Variants in CDH9 observed in about 807,000 individuals in gnomAD.
CDH9 encodes cadherin-9.
CDH9 carries 28 observed loss-of-function variants against 70.9 expected under a neutral mutation model. That is an observed-to-expected ratio of 0.40 (90% CI 0.29 to 0.54). The LOEUF (loss-of-function observed/expected upper bound fraction) is 0.54, where lower values mean the gene tolerates loss of function less well. Ranked by LOEUF, CDH9 falls within the 20% of genes least tolerant of loss-of-function variation. The probability of loss-of-function intolerance (pLI) is 0.59; values close to 1 mark genes in which losing one functional copy is unlikely to be tolerated. For missense variants in CDH9, 874 were observed against 984.4 expected (o/e 0.89, Z 1.50); for synonymous variants, 409 against 343.1 (o/e 1.19, Z -2.12).
chr5:26,949,863 G>A (rs1741815003), intron 2 of CDH9, among the ~76,000 whole-genome samples: 1 of 152,272 alleles, frequency 6.6e-6, no homozygotes, highest in South Asian at 2.1e-4. Flanking sequence ...TAATTTATAA[G>A]AACTTTAGCA....
At chr5:26,983,530 A>G (rs558786705) in intron 2 of CDH9, among the ~76,000 whole-genome samples, 1 of 152,212 alleles carries the variant, frequency 6.6e-6, no homozygotes, top group Non-Finnish European at 1.5e-5. Context: ...GTGAGTTTTT[A>G]TAGAATTCAG....
chr5:27,031,359 A>G (rs887538358), intron 1 of CDH9, among the ~76,000 whole-genome samples: 1 of 151,938 alleles, frequency 6.6e-6, no homozygotes, highest in East Asian at 1.9e-4. Flanking sequence ...GTTAGGATAC[A>G]TTTCTTCAAA....
At chr5:26,939,043 ATAT>A (rs1741613696) in intron 2 of CDH9, among the ~76,000 whole-genome samples, 1 of 152,052 alleles carries the variant, frequency 6.6e-6, no homozygotes, top group African/African-American at 2.4e-5. Flanking sequence ...TATCAATAAA[ATAT>A]TATATCTTCA....
rs1416819442 is a variant in CDH9, at chr5:26,881,585, T to C, written c.1921A>G (p.Lys641Glu). 7 of 1,612,040 alleles carry C rather than the reference T, an allele frequency of 4.3e-6. No individual in the cohort carries two copies. In the African/African-American group the frequency reaches 9.4e-5, roughly 22 times the overall value. Residue 641 changes from lysine to glutamate, a missense_variant, in exon 12 of 12, where the codon AAA becomes GAA. Physicochemically the swap from Lys to Glu is moderately conservative, Grantham distance 56 (BLOSUM62 1). Transcript: ENST00000231021. ...TTTGAAATTATCAGAGGTTCCTTTT[T>C]TCTTTGCCTCTTCAATGCAGCAAAC... ...VLFAALKRQRKKEPLIISKDD... is the reference protein window; with the variant it reads ...VLFAALKRQREKEPLIISKDD...
intron 7 of CDH9, among the ~76,000 whole-genome samples, chr5:26,897,255 G>A (rs1178023535): frequency 6.6e-6 from 1 of 151,922 alleles, no homozygotes; most frequent in African/African-American, 2.4e-5. Context: ...AGAGGAGCTG[G>A]TACCATTTCT....
chr5:26,957,040 C>T (rs1319507563), intron 2 of CDH9, among the ~76,000 whole-genome samples: 1 of 138,642 alleles, frequency 7.2e-6, no homozygotes, highest in Non-Finnish European at 1.6e-5. Flanking sequence ...CATTTAATTA[C>T]TTTGATACCC....
intron 11 of CDH9, among the ~76,000 whole-genome samples, chr5:26,882,161 G>A (rs999032404): frequency 2.6e-5 from 4 of 151,888 alleles, no homozygotes; most frequent in South Asian, 2.1e-4. Context: ...ACCACTTCCC[G>A]TATCTCATAG....
chr5:26,890,752 C>A (rs1740646183), intron 7 of CDH9, 188 bp from the exon 8 acceptor site: 2 of 555,934 alleles, frequency 3.6e-6, no homozygotes, highest in Non-Finnish European at 6.4e-6. Context: ...ACTCTTTCTA[C>A]TTACTATATT....
intron 9 of CDH9, 56 bp downstream of exon 9, chr5:26,889,780 A>G: frequency 9.0e-7 from 1 of 1,105,394 alleles, no homozygotes; most frequent in Non-Finnish European, 1.3e-6. Context: ...ATGTAATGTC[A>G]TTTGACTTTG....
intron 2 of CDH9, among the ~76,000 whole-genome samples, chr5:26,982,554 C>A (rs561401681): frequency 6.6e-6 from 1 of 151,970 alleles, no homozygotes; most frequent in Non-Finnish European, 1.5e-5. Context: ...TTTGAGTAAA[C>A]CTATATTGTC....
At chr5:26,891,205 G>A (rs1740654238) in intron 7 of CDH9, among the ~76,000 whole-genome samples, 1 of 152,196 alleles carries the variant, frequency 6.6e-6, no homozygotes, top group South Asian at 2.1e-4. Context: ...AGACTCTGCA[G>A]TTGGCAAAAT....
chr5:26,972,913 G>C (rs987156142), intron 2 of CDH9, among the ~76,000 whole-genome samples: 4 of 150,020 alleles, frequency 2.7e-5, no homozygotes, highest in Non-Finnish European at 5.9e-5. Flanking sequence ...ACCCAGGCTA[G>C]AGTGCAGTGG....
chr5:26,913,836 A>C (rs1279211958), intron 3 of CDH9, among the ~76,000 whole-genome samples: 2 of 151,700 alleles, frequency 1.3e-5, no homozygotes, highest in Admixed American at 6.6e-5. Flanking sequence ...ATATTAATAG[A>C]ACCTAGTTGT....
intron 2 of CDH9, among the ~76,000 whole-genome samples, chr5:26,969,741 C>T (rs1742185913): frequency 6.6e-6 from 1 of 151,818 alleles, no homozygotes; most frequent in South Asian, 2.1e-4. Context: ...TTCAATAACT[C>T]ACAAGCTTTT....
chr5:26,893,552 A>T (rs1432592913), intron 7 of CDH9, among the ~76,000 whole-genome samples: 2 of 152,106 alleles, frequency 1.3e-5, no homozygotes, highest in Non-Finnish European at 2.9e-5. Flanking sequence ...CTTAAAATAC[A>T]CTCATTTGAC....
At chr5:26,924,105 A>C (rs1453106931) in intron 2 of CDH9, among the ~76,000 whole-genome samples, 6 of 152,098 alleles carry the variant, frequency 3.9e-5, no homozygotes, top group African/African-American at 1.4e-4. Flanking sequence ...TCAATGAAAC[A>C]GAAACATGGT....
chr5:26,945,507 ATGT>A (rs1741737221), intron 2 of CDH9, among the ~76,000 whole-genome samples: 2 of 152,082 alleles, frequency 1.3e-5, no homozygotes, highest in African/African-American at 4.8e-5. Context: ...ATATGTGGTA[ATGT>A]TGCTAATGAA....
chr5:26,938,643 T>C (rs976146995), intron 2 of CDH9, among the ~76,000 whole-genome samples: 3 of 152,140 alleles, frequency 2.0e-5, no homozygotes, highest in Admixed American at 2.0e-4. Context: ...CACATATATG[T>C]CAATGCTCTC....
intron 7 of CDH9, among the ~76,000 whole-genome samples, chr5:26,902,229 C>T (rs753810521): frequency 6.6e-6 from 1 of 151,918 alleles, no homozygotes; most frequent in African/African-American, 2.4e-5. Context: ...ATAATACTAT[C>T]TACCTTGTAC....
Sources: allele counts gnomAD v4.1 joint callset (sites outside exome capture counted in the v4.1 genomes callset), GRCh38; gene constraint gnomAD v4.1.1; transcripts MANE v1.5; gene names NCBI Gene and HGNC (gene_info 2026-07-23, HGNC 2026-07-21).